Variants in SPATS2 observed in about 807,000 individuals in gnomAD.
SPATS2 encodes spermatogenesis-associated serine-rich protein 2.
SPATS2 carries 38 observed loss-of-function variants against 63.7 expected under a neutral mutation model. That is an observed-to-expected ratio of 0.60 (90% CI 0.46 to 0.78). The LOEUF (loss-of-function observed/expected upper bound fraction) is 0.78, where lower values mean the gene tolerates loss of function less well. SPATS2 is among the 30% of genes least tolerant of loss of function. The pLI is 0.00. For synonymous variants in SPATS2, 207 were observed against 232.9 expected, an observed-to-expected ratio of 0.89 and a Z score of 1.01; for missense variants, 588 against 666.2, an observed-to-expected ratio of 0.88 and a Z score of 1.29.
At chr12:49,467,215 A>ATTTTTTTTTT (rs35462676) in intron 3 of SPATS2, among the ~76,000 whole-genome samples, 48 of 119,846 alleles carry the variant, frequency 4.0e-4, no homozygotes, top group East Asian at 1.5e-3. Flanking sequence ...TGCCTGGCTA[A>ATTTTTTTTTT]TTTTTTTTTT....
chr12:49,389,824 A>G, intron 2 of SPATS2: 2 of 918,688 alleles, frequency 2.2e-6, no homozygotes, highest in South Asian at 2.6e-5. Flanking sequence ...ACGATGAGCA[A>G]GTATCGAGAA....
chr12:49,497,392 CTT>C (rs113685100), intron 8 of SPATS2, among the ~76,000 whole-genome samples: 9 of 142,932 alleles, frequency 6.3e-5, no homozygotes, highest in Non-Finnish European at 9.2e-5. Context: ...CTGACATTGA[CTT>C]TTTTTTTTTT....
intron 3 of SPATS2, chr12:49,462,775 C>T (rs1945843968): frequency 2.7e-5 from 10 of 366,206 alleles, no homozygotes; most frequent in Non-Finnish European, 4.6e-5. Flanking sequence ...AAAGTTACAC[C>T]ATCAAGCTGT....
At chr12:49,510,437 G>A (rs547597495) in intron 9 of SPATS2, among the ~76,000 whole-genome samples, 107 of 149,536 alleles carry the variant, frequency 7.2e-4, no homozygotes, top group Admixed American at 8.7e-4. Context: ...GGTAGCTCGT[G>A]CCTGTAGTCC....
intron 2 of SPATS2, among the ~76,000 whole-genome samples, chr12:49,412,548 G>A (rs1944815466): frequency 6.6e-6 from 1 of 151,880 alleles, no homozygotes; most frequent in African/African-American, 2.4e-5. Context: ...AATGTTAGTA[G>A]GCAGTAAACC....
intron 2 of SPATS2, chr12:49,387,093 A>G (rs1944330212): frequency 6.6e-6 from 1 of 151,990 alleles, no homozygotes; most frequent in African/African-American, 2.4e-5. Context: ...ATCTGTGAGG[A>G]GCAAAGAGGA....
Position 49,487,063 on chromosome 12 carries a change from TAAG to T in SPATS2, c.105+2397_106-2397del, listed in dbSNP as rs367897952. ...TATTTTTATAATACTCATAAAATAA[TAAG>T]AACCCTACAGTATAATATTACTACT... On this transcript the variant is annotated intron_variant, in intron 4 of 13. Coordinates refer to ENST00000552918, the MANE Select transcript of SPATS2 (RefSeq NM_023071.4). 4.9e-4 allele frequency among the ~76,000 whole-genome samples: 74 copies of T among 152,274 alleles called. No individual in the cohort carries two copies. In the South Asian group the frequency reaches 0.012, roughly 25 times the overall value.
At chr12:49,367,897 G>T (rs1823984235) in intron 1 of SPATS2, among the ~76,000 whole-genome samples, 1 of 152,154 alleles carries the variant, frequency 6.6e-6, no homozygotes. Flanking sequence ...AACAACGAGC[G>T]AGATAGAACG....
chr12:49,372,094 G>C (rs930755885), intron 2 of SPATS2, among the ~76,000 whole-genome samples: 1 of 151,880 alleles, frequency 6.6e-6, no homozygotes, highest in Non-Finnish European at 1.5e-5. Flanking sequence ...CGCCCAGGCT[G>C]GAGTGCAGTG....
At chr12:49,382,955 T>C (rs930083363) in intron 2 of SPATS2, among the ~76,000 whole-genome samples, 74 of 152,080 alleles carry the variant, frequency 4.9e-4, no homozygotes, top group Non-Finnish European at 8.8e-5. Context: ...TCCACCCACC[T>C]TGGCCTTTCA....
At chr12:49,501,765 G>A (rs779012976) in intron 9 of SPATS2, among the ~76,000 whole-genome samples, 103 of 151,976 alleles carry the variant, frequency 6.8e-4, no homozygotes, top group Non-Finnish European at 1.6e-4. Flanking sequence ...ACAGACATGT[G>A]CCACCATGCC....
In SPATS2 at chr12:49,526,612, C is replaced by T. The variant is rs12320104; in HGVS notation, c.*357C>T. On this transcript the variant is annotated 3_prime_UTR_variant, in exon 14 of 14. Transcript: ENST00000552918. ...AGTCTGTCACCTTTCCAATCTAAGCCGAAGCCACAGGTGCCTGACAGGTTC... is the reference window on the plus strand; with the variant it reads ...AGTCTGTCACCTTTCCAATCTAAGCTGAAGCCACAGGTGCCTGACAGGTTC... 6 of 220,278 alleles carry T rather than the reference C, an allele frequency of 2.7e-5. No homozygotes were observed. The East Asian group carries it at 5.6e-4, about 21-fold the overall frequency. 13.6% of individuals were successfully genotyped at this position (220,278 alleles called of 1,614,324 possible). A position where few individuals can be genotyped will look rare whatever the true frequency, so the allele number is the denominator to read the frequency against.
chr12:49,498,435 A>T (rs1371703309), intron 8 of SPATS2, among the ~76,000 whole-genome samples: 1 of 152,114 alleles, frequency 6.6e-6, no homozygotes, highest in East Asian at 1.9e-4. Flanking sequence ...CCTCATATAT[A>T]CAGTGCTTTG....
chr12:49,418,063 G>T (rs1430172702), intron 2 of SPATS2, among the ~76,000 whole-genome samples: 1 of 141,270 alleles, frequency 7.1e-6, no homozygotes, highest in African/African-American at 2.7e-5. Flanking sequence ...TGTTTTTTTT[G>T]TAGAGGTGGG....
rs34366051 is a variant in SPATS2, at chr12:49,504,734, GTT to G, written c.839+4539_839+4540del. 2.6e-4 allele frequency among the ~76,000 whole-genome samples: 35 copies of G among 135,760 alleles called. 1 individual carries two copies. Among genetic ancestry groups the G allele is most frequent in the South Asian group, 1.1e-3 (5 of 4,398 alleles). 89.1% of individuals were successfully genotyped at this position (135,760 alleles called of 152,430 possible). On this transcript the variant is annotated intron_variant, in intron 9 of 13. Coordinates refer to ENST00000552918, the MANE Select transcript of SPATS2 (RefSeq NM_023071.4). ...TTCCTCTATGTCCTTTTATTGGCGC[GTT>G]TTTTTTTTTCCTGTTTCTTTTCTTT...
intron 2 of SPATS2, among the ~76,000 whole-genome samples, chr12:49,400,511 A>G (rs77569567): frequency 6.6e-6 from 1 of 152,240 alleles, no homozygotes; most frequent in East Asian, 1.9e-4. Flanking sequence ...AGGAGGGAGA[A>G]AGGGGAATGA....
At chr12:49,467,050 T>TG (rs1356677923) in intron 3 of SPATS2, among the ~76,000 whole-genome samples, 3 of 130,266 alleles carry the variant, frequency 2.3e-5, no homozygotes, top group East Asian at 2.1e-4. Context: ...CTTTGTTTTT[T>TG]TTTTTTTTTT....
chr12:49,478,853 G>C (rs534925060), intron 3 of SPATS2, among the ~76,000 whole-genome samples: 1 of 152,304 alleles, frequency 6.6e-6, no homozygotes. Context: ...CATCCAGGAA[G>C]AATGACATAT....
chr12:49,456,711 A>G (rs908029441), intron 2 of SPATS2, among the ~76,000 whole-genome samples: 2 of 152,194 alleles, frequency 1.3e-5, no homozygotes, highest in Admixed American at 6.5e-5. Flanking sequence ...GGTAGAACAC[A>G]TGGGATTCTT....
Sources: allele counts gnomAD v4.1 joint callset (sites outside exome capture counted in the v4.1 genomes callset), GRCh38; gene constraint gnomAD v4.1.1; transcripts MANE v1.5; gene names NCBI Gene and HGNC (gene_info 2026-07-23, HGNC 2026-07-21).